SHROOM3: variants seen among roughly 807,000 people sequenced by gnomAD.
SHROOM3 encodes the protein shroom family member 3, also known as protein Shroom3.
A neutral mutation model predicts 138.6 loss-of-function variants in SHROOM3; 47 were observed. The observed-to-expected ratio is 0.34, with a 90% CI of 0.27 to 0.43. The LOEUF is 0.43. Ranked by LOEUF, SHROOM3 falls within the 20% of genes least tolerant of loss-of-function variation. The pLI is 1.00. For synonymous variants in SHROOM3, 1,062 were observed against 1,063.3 expected, an observed-to-expected ratio of 1.00 and a Z score of 0.02; for missense variants, 2,491 against 2,596.5, an observed-to-expected ratio of 0.96 and a Z score of 0.88.
rs150461080 is a variant in SHROOM3, at chr4:76,740,044, A to G, written c.1871A>G (p.Glu624Gly). ...GEDKRSSRLS[E>G]PWEGDFQEDH... ...GACAAGAGATCTTCCAGGCTCTCAG[A>G]GCCCTGGGAGGGCGATTTCCAGGAA... is the stretch of plus-strand genomic sequence containing the variant. Residue 624 changes from glutamate (E) to glycine (G), a missense_variant, in exon 5 of 11, where the codon GAG becomes GGG. Glu to Gly is a moderately conservative substitution (Grantham distance 98). Around this residue, in one of 4 missense-constraint regions of SHROOM3, gnomAD observed 1,733 missense variants for 1,661.6 expected, o/e 1.04. Transcript: ENST00000296043. This position sits in a 1 kb window ranked among gnomAD's most constrained non-coding sequence, Gnocchi z 4.0. 2.1e-5 allele frequency: 34 copies of G among 1,613,748 alleles called. No individual in the cohort carries two copies. In the African/African-American group the frequency reaches 3.7e-4, roughly 18 times the overall value.
intron 2 of SHROOM3, among the ~76,000 whole-genome samples, chr4:76,561,117 G>A (rs1452854579): frequency 1.3e-5 from 2 of 152,174 alleles, no homozygotes; most frequent in Non-Finnish European, 2.9e-5. Context: ...AGAGGGTAGG[G>A]AAAATTGAGC....
intron 6 of SHROOM3, among the ~76,000 whole-genome samples, chr4:76,751,929 C>T (rs1721636850): frequency 6.6e-6 from 1 of 152,158 alleles, no homozygotes; most frequent in African/African-American, 2.4e-5. Context: ...AATAGAACTA[C>T]CATATGATCT....
At chr4:76,681,629 G>GTGTGTGTGTA (rs1553936181) in intron 2 of SHROOM3, among the ~76,000 whole-genome samples, 3 of 150,934 alleles carry the variant, frequency 2.0e-5, no homozygotes, top group Non-Finnish European at 4.4e-5. Context: ...GTGTGTGTGT[G>GTGTGTGTGTA]TGTGTATGTG....
intron 2 of SHROOM3, among the ~76,000 whole-genome samples, chr4:76,648,157 G>A (rs908828522): frequency 1.3e-5 from 2 of 151,812 alleles, no homozygotes; most frequent in Non-Finnish European, 1.5e-5. Context: ...GTGAGACCCT[G>A]TCTCTGCAAA....
Position 76,739,523 on chromosome 4 carries a change from T to C in SHROOM3, c.1350T>C (p.His450=). Residue 450 remains histidine, a synonymous_variant, in exon 5 of 11, where the codon CAT becomes CAC. Coordinates refer to ENST00000296043, the MANE Select transcript of SHROOM3 (RefSeq NM_020859.4). ...PENSPPVKPK[H]NYTQKAQPGQ... ...ACAGCCCCCCAGTGAAGCCCAAGCATAACTATACCCAGAAGGCCCAACCTG... is the reference window on the plus strand; with the variant it reads ...ACAGCCCCCCAGTGAAGCCCAAGCACAACTATACCCAGAAGGCCCAACCTG... 6.2e-7 allele frequency: 1 copy of C among 1,614,082 alleles called. No homozygotes were observed. Among genetic ancestry groups the C allele is most frequent in the Non-Finnish European group, 8.5e-7 (1 of 1,179,958 alleles).
rs1171725777 is a variant in SHROOM3 at position 76,779,848 on chromosome 4, G to A, written c.*671G>A. The A allele has an allele frequency of 3.3e-5, 5 of 152,576 alleles. No homozygotes were observed. The East Asian group carries it at 7.7e-4, about 23-fold the overall frequency. 9.5% of individuals were successfully genotyped at this position (152,576 alleles called of 1,614,324 possible). ...ATTCCTGTCTTATTTTTACCAACAC[G>A]AGCAGGCATTCTGCGCTTCCACTGG... On this transcript the variant is annotated 3_prime_UTR_variant, in exon 11 of 11. Transcript: ENST00000296043.
At chr4:76,518,437 T>A (rs1732489815) in intron 1 of SHROOM3, among the ~76,000 whole-genome samples, 1 of 152,042 alleles carries the variant, frequency 6.6e-6, no homozygotes, top group Non-Finnish European at 1.5e-5. Context: ...ATGGACAGGG[T>A]TTTATTTCAT....
chr4:76,484,087 A>G (rs28646100), intron 1 of SHROOM3, among the ~76,000 whole-genome samples: 7,803 of 152,198 alleles, frequency 0.051, 247 homozygotes, highest in African/African-American at 0.083. Flanking sequence ...GAACATGTAC[A>G]TCTATATAAC....
At chr4:76,688,907 A>G (rs1004137395) in intron 2 of SHROOM3, 2 of 983,844 alleles carry the variant, frequency 2.0e-6, no homozygotes, top group South Asian at 9.4e-5. Flanking sequence ...TGTGACTTAC[A>G]CTGAGAAGAG....
intron 1 of SHROOM3, among the ~76,000 whole-genome samples, chr4:76,550,374 G>A (rs1034328050): frequency 6.6e-5 from 10 of 152,160 alleles, no homozygotes; most frequent in African/African-American, 2.4e-4. Flanking sequence ...GGCATGGTCA[G>A]AAATACCTAT....
chr4:76,551,235 G>T (rs763516926), intron 1 of SHROOM3, among the ~76,000 whole-genome samples: 69 of 152,172 alleles, frequency 4.5e-4, no homozygotes, highest in Non-Finnish European at 8.4e-4. Context: ...AAAGGTTAAA[G>T]AAATAGTTTA....
chr4:76,716,436 C>A (rs193030914), intron 3 of SHROOM3: 1 of 518,558 alleles, frequency 1.9e-6, no homozygotes, highest in South Asian at 1.4e-5. Flanking sequence ...TGTTAGAATG[C>A]GATTCAGAAT....
chr4:76,518,512 T>TTCTTTCC (rs1732492699), intron 1 of SHROOM3, among the ~76,000 whole-genome samples: 3 of 147,408 alleles, frequency 2.0e-5, no homozygotes, highest in East Asian at 4.0e-4. Context: ...TCCTTCCTTC[T>TTCTTTCC]TTCCTTCCTT....
chr4:76,734,770 C>A (rs1282421131), intron 4 of SHROOM3, among the ~76,000 whole-genome samples: 1 of 152,098 alleles, frequency 6.6e-6, no homozygotes, highest in Non-Finnish European at 1.5e-5. Flanking sequence ...ATTTTATGTT[C>A]ACTTCAGTTC....
intron 2 of SHROOM3, among the ~76,000 whole-genome samples, chr4:76,608,642 ATAG>A: frequency 4.6e-4 from 8 of 17,302 alleles, no homozygotes; most frequent in Middle Eastern, 0.083. Context: ...ATAGCATAGC[ATAG>A]CATAGCATAG....
At chr4:76,567,567 G>A (rs755338685) in intron 2 of SHROOM3, among the ~76,000 whole-genome samples, 16 of 152,216 alleles carry the variant, frequency 1.1e-4, no homozygotes, top group Admixed American at 2.6e-4. Flanking sequence ...GGAGAATGGC[G>A]TGAACCCGGA....
chr4:76,659,593 T>A lies in SHROOM3; in HGVS notation c.324-50563T>A, dbSNP rs531710709. 6.6e-5 allele frequency among the ~76,000 whole-genome samples: 10 copies of A among 152,306 alleles called. 1 individual carries two copies. In the South Asian group the frequency reaches 2.1e-3, roughly 32 times the overall value. Reference sequence around the variant, plus strand: ...GGGCTTTCAGAAGCATTTATTTATTTATTTATGAGCTAGAGTCTCACTCTG... The same window carrying A: ...GGGCTTTCAGAAGCATTTATTTATTAATTTATGAGCTAGAGTCTCACTCTG... On this transcript the variant is annotated intron_variant, in intron 2 of 10. Transcript: ENST00000296043.
At chr4:76,477,600 T>C (rs1221693154) in intron 1 of SHROOM3, among the ~76,000 whole-genome samples, 3 of 152,206 alleles carry the variant, frequency 2.0e-5, no homozygotes, top group Non-Finnish European at 4.4e-5. Flanking sequence ...ATAGAAAATA[T>C]ATACATTTAC....
At chr4:76,633,348 A>AAG (rs1553931043) in intron 2 of SHROOM3, among the ~76,000 whole-genome samples, 5 of 149,218 alleles carry the variant, frequency 3.4e-5, no homozygotes, top group Admixed American at 1.3e-4. Context: ...AAAAAAAAAA[A>AAG]AAAAAGAAAA....
Sources: allele counts gnomAD v4.1 joint callset (sites outside exome capture counted in the v4.1 genomes callset), GRCh38; gene constraint gnomAD v4.1.1; regional missense constraint gnomAD v4.1.1; non-coding constraint Gnocchi (gnomAD v3.1); transcripts MANE v1.5; gene names NCBI Gene and HGNC (gene_info 2026-07-23, HGNC 2026-07-21).